The following TBC1D19 variants were observed in gnomAD, a reference collection of about 807,000 sequenced individuals.
TBC1D19 encodes the protein TBC1 domain family, member 19.
TBC1D19 carries 60 observed loss-of-function variants against 89.0 expected under a neutral mutation model. The observed-to-expected ratio is 0.67, with a 90% CI of 0.55 to 0.84. The LOEUF is 0.84. Ranked by LOEUF, TBC1D19 falls within the 40% of genes least tolerant of loss-of-function variation. The pLI is 0.00. For synonymous variants in TBC1D19, 189 were observed against 199.7 expected, an observed-to-expected ratio of 0.95 and a Z score of 0.45; for missense variants, 500 against 610.8, an observed-to-expected ratio of 0.82 and a Z score of 1.91.
rs1740049827 is a variant in TBC1D19 at position 26,594,367 on chromosome 4, C to A, written c.99+10075C>A. On this transcript the variant is annotated intron_variant, in intron 1 of 20. Transcript: ENST00000264866. ...GGGTTGGTGGAGAGGGGAGGGATAG[C>A]ATTAGGAGATATACCTAATGTTAAA... is the stretch of plus-strand genomic sequence containing the variant. Among the ~76,000 whole-genome samples the A allele has an allele frequency of 2.0e-5, 3 of 152,096 alleles. No individual in the cohort carries two copies. In the South Asian group the frequency reaches 6.2e-4, roughly 32 times the overall value.
chr4:26,792,510 G>A, the TBC1D19 span, among the ~76,000 whole-genome samples: 1 of 152,196 alleles, frequency 6.6e-6, no homozygotes, highest in South Asian at 2.1e-4. Context: ...GGCCCAGCTG[G>A]AGGCGAATAT....
chr4:26,731,294 T>C (rs1362590578), intron 15 of TBC1D19, among the ~76,000 whole-genome samples: 1 of 152,084 alleles, frequency 6.6e-6, no homozygotes, highest in African/African-American at 2.4e-5. Flanking sequence ...GAACATTGCC[T>C]ATAGCCCTTG....
At chr4:26,693,836 C>T (rs115711896) in intron 13 of TBC1D19, among the ~76,000 whole-genome samples, 2,363 of 152,184 alleles carry the variant, frequency 0.016, 55 homozygotes, top group African/African-American at 0.052. Context: ...GAAAATTTTA[C>T]TGGAAGGACT....
the TBC1D19 span, among the ~76,000 whole-genome samples, chr4:26,851,323 ATC>A: frequency 7.1e-6 from 1 of 141,294 alleles, no homozygotes; most frequent in Non-Finnish European, 1.5e-5. Context: ...CTATCTATCT[ATC>A]TATCTATCTA....
intron 16 of TBC1D19, among the ~76,000 whole-genome samples, chr4:26,737,909 C>G (rs1289065729): frequency 6.6e-6 from 1 of 151,980 alleles, no homozygotes; most frequent in Admixed American, 6.6e-5. Context: ...GAACTCTTCT[C>G]TAATTTAAAA....
intron 1 of TBC1D19, among the ~76,000 whole-genome samples, chr4:26,596,057 A>G (rs1175271077): frequency 6.6e-6 from 1 of 152,082 alleles, no homozygotes; most frequent in African/African-American, 2.4e-5. Context: ...CCTGGATTCA[A>G]GCGATTCTCC....
intron 1 of TBC1D19, among the ~76,000 whole-genome samples, chr4:26,591,844 A>G (rs778737648): frequency 4.6e-5 from 7 of 152,190 alleles, no homozygotes; most frequent in Non-Finnish European, 7.3e-5. Context: ...AGGCAATAAT[A>G]AATAGCTTAC....
At chr4:26,748,793 A>G (rs144143304) in intron 19 of TBC1D19, among the ~76,000 whole-genome samples, 251 of 152,026 alleles carry the variant, frequency 1.7e-3, no homozygotes, top group African/African-American at 5.7e-3. Flanking sequence ...CTCCCCTTTT[A>G]GTCCAGCTAG....
At chr4:26,632,907 C>T (rs1003255027) in intron 4 of TBC1D19, among the ~76,000 whole-genome samples, 6 of 152,110 alleles carry the variant, frequency 3.9e-5, no homozygotes, top group Non-Finnish European at 5.9e-5. Context: ...GGTCTGGAAG[C>T]AGTCATCTCC....
At chr4:26,786,708 C>T in the TBC1D19 span, among the ~76,000 whole-genome samples, 1 of 111,520 alleles carries the variant, frequency 9.0e-6, no homozygotes, top group African/African-American at 3.6e-5. Flanking sequence ...AGGATGGTAG[C>T]ATGAACAGGT....
chr4:26,808,261 A>T, the TBC1D19 span, among the ~76,000 whole-genome samples: 1 of 152,312 alleles, frequency 6.6e-6, no homozygotes, highest in East Asian at 1.9e-4. Context: ...ATCCATCTGC[A>T]AAGTGATGAC....
chr4:26,582,687 G>C (rs978178946), upstream of TBC1D19, among the ~76,000 whole-genome samples: 6 of 152,210 alleles, frequency 3.9e-5, no homozygotes, highest in Non-Finnish European at 8.8e-5. Flanking sequence ...AGAATGTTTT[G>C]TAGAGAAACT....
intron 7 of TBC1D19, among the ~76,000 whole-genome samples, chr4:26,648,085 T>A (rs1744089098): frequency 6.6e-6 from 1 of 152,060 alleles, no homozygotes. Context: ...CTTCTCAGGG[T>A]ACACCCACAT....
the TBC1D19 span, among the ~76,000 whole-genome samples, chr4:26,779,584 G>T: frequency 1.4e-4 from 22 of 152,192 alleles, no homozygotes; most frequent in African/African-American, 4.3e-4. Context: ...TGGGGCACTT[G>T]CTTGGTCTGC....
intron 17 of TBC1D19, among the ~76,000 whole-genome samples, chr4:26,741,392 A>G (rs907661430): frequency 2.6e-5 from 4 of 151,318 alleles, no homozygotes; most frequent in Non-Finnish European, 5.9e-5. Flanking sequence ...AAAAAGATTA[A>G]TAATTCTTTT....
At chr4:26,654,869 C>T (rs1249162853) in intron 7 of TBC1D19, among the ~76,000 whole-genome samples, 1 of 152,220 alleles carries the variant, frequency 6.6e-6, no homozygotes, top group Non-Finnish European at 1.5e-5. Context: ...CTTCTTCTCT[C>T]AATTCATCAA....
At chr4:26,656,727 T>A (rs1008835283) in intron 7 of TBC1D19, among the ~76,000 whole-genome samples, 11 of 151,972 alleles carry the variant, frequency 7.2e-5, no homozygotes, top group Non-Finnish European at 1.3e-4. Flanking sequence ...CCCAGCTAAT[T>A]TTTTGTATTT....
At chr4:26,656,234 T>A (rs1206263692) in intron 7 of TBC1D19, among the ~76,000 whole-genome samples, 1 of 152,044 alleles carries the variant, frequency 6.6e-6, no homozygotes, top group Non-Finnish European at 1.5e-5. Context: ...TGAAATAAAA[T>A]AACACACAAT....
At chr4:26,643,345 T>C (rs138225143) in intron 7 of TBC1D19, among the ~76,000 whole-genome samples, 1,879 of 152,140 alleles carry the variant, frequency 0.012, 12 homozygotes, top group Middle Eastern at 0.034. Flanking sequence ...CATAACGAAA[T>C]GAAGGCAGAA....
Sources: gnomAD v4.1 joint callset for allele counts (sites outside exome capture counted in the v4.1 genomes callset) on GRCh38, gnomAD v4.1.1 for gene constraint, MANE v1.5 for transcripts, NCBI Gene and HGNC (gene_info 2026-07-23, HGNC 2026-07-21) for gene names.